SEPTIN7: variants seen among roughly 807,000 people sequenced by gnomAD.
SEPTIN7 encodes septin-7.
In SEPTIN7, 10 loss-of-function variants were observed where a neutral mutation model predicts 63.3. The observed-to-expected ratio is 0.16, with a 90% confidence interval of 0.10 to 0.27. The LOEUF (loss-of-function observed/expected upper bound fraction) is 0.27, where lower values mean the gene tolerates loss of function less well. Among genes scored for constraint, SEPTIN7 ranks in the 10% least tolerant of loss-of-function variants. The pLI is 1.00. For missense variants in SEPTIN7, 310 were observed against 521.0 expected (o/e 0.59, Z 3.94); for synonymous variants, 131 against 165.3 (o/e 0.79, Z 1.59).
chr7:35,848,443 T>A (rs10951452), intron 3 of SEPTIN7, among the ~76,000 whole-genome samples: 1 of 150,984 alleles, frequency 6.6e-6, no homozygotes, highest in East Asian at 1.9e-4. Context: ...AATTTTTTGG[T>A]TTTTTTTTAG....
At chr7:35,824,187 C>T (rs1450977408) in intron 1 of SEPTIN7, among the ~76,000 whole-genome samples, 2 of 151,830 alleles carry the variant, frequency 1.3e-5, no homozygotes, top group African/African-American at 4.8e-5. Flanking sequence ...ATTGATACAG[C>T]TTTGAGAGTG....
chr7:35,881,708 G>C (rs767674075), intron 7 of SEPTIN7, among the ~76,000 whole-genome samples: 24 of 151,702 alleles, frequency 1.6e-4, no homozygotes, highest in Admixed American at 5.9e-4. Flanking sequence ...CTAGGTTTAG[G>C]TATATTAGCC....
Position 35,882,467 on chromosome 7 carries a change from T to C in SEPTIN7, c.631-17T>C. The stretch of plus-strand genomic sequence containing the variant: ...TTATGTATGGTGCTCTTTTGCTGAC[T>C]ACTTCTTCCATTTTAGATAATGAAA... On this transcript the variant is annotated splice_polypyrimidine_tract_variant and intron_variant, in intron 7 of 13. Coordinates refer to ENST00000350320, the MANE Select transcript of SEPTIN7 (RefSeq NM_001788.6). 1.4e-6 allele frequency: 2 copies of C among 1,441,092 alleles called. No homozygotes were observed. The highest frequency in any genetic ancestry group is 2.7e-5 in the East Asian group (1 of 37,694). The allele number at this position is 1,441,092 out of a possible 1,614,324, so 89.3% of individuals were successfully genotyped here.
chr7:35,861,408 G>T (rs1385695491), intron 3 of SEPTIN7, among the ~76,000 whole-genome samples: 4 of 152,172 alleles, frequency 2.6e-5, no homozygotes, highest in African/African-American at 7.2e-5. Context: ...CCTCTCTTCA[G>T]TTGCACACTG....
intron 1 of SEPTIN7, chr7:35,812,177 T>G: frequency 6.0e-6 from 1 of 166,606 alleles, no homozygotes; most frequent in Non-Finnish European, 1.3e-5. Context: ...GATGGCTAAC[T>G]CAACTTCAGC....
intron 1 of SEPTIN7, among the ~76,000 whole-genome samples, chr7:35,813,179 G>A (rs142027643): frequency 6.6e-6 from 1 of 152,080 alleles, no homozygotes; most frequent in Non-Finnish European, 1.5e-5. Context: ...GCTCAGAAAG[G>A]TTATGTAACT....
At chr7:35,818,997 C>T (rs567868834) in intron 1 of SEPTIN7, among the ~76,000 whole-genome samples, 1 of 151,520 alleles carries the variant, frequency 6.6e-6, no homozygotes, top group South Asian at 2.1e-4. Context: ...ATTTTGTTTT[C>T]CCTGTTTTGG....
At chr7:35,814,487 G>GTT (rs34638736) in intron 1 of SEPTIN7, among the ~76,000 whole-genome samples, 7 of 151,772 alleles carry the variant, frequency 4.6e-5, no homozygotes, top group African/African-American at 9.7e-5. Context: ...AATTGTAAGG[G>GTT]TTTTTTTAAT....
At position 35,890,797 on chromosome 7, in the gene SEPTIN7, A is replaced by T; in HGVS notation, c.998+4A>T. On this transcript the variant is annotated splice_donor_region_variant and intron_variant, in intron 11 of 13. Coordinates refer to ENST00000350320, the MANE Select transcript of SEPTIN7 (RefSeq NM_001788.6). ...AGAATAAAGGGCAGCTGACTAAGTA[A>T]GTATATATTTTTTTCTCCAAAAAGG... 2 of 1,542,480 alleles carry T rather than the reference A, an allele frequency of 1.3e-6. No homozygotes were observed. Among genetic ancestry groups the T allele is most frequent in the Non-Finnish European group, 1.7e-6 (2 of 1,153,562 alleles).
At chr7:35,903,984 G>A (rs938356167) in intron 13 of SEPTIN7, among the ~76,000 whole-genome samples, 3 of 152,116 alleles carry the variant, frequency 2.0e-5, no homozygotes, top group African/African-American at 7.2e-5. Flanking sequence ...CATTTGGGAA[G>A]AATTGTTCTT....
At chr7:35,871,782 C>G (rs766313295) in intron 4 of SEPTIN7, among the ~76,000 whole-genome samples, 2 of 152,172 alleles carry the variant, frequency 1.3e-5, no homozygotes, top group Admixed American at 6.5e-5. Context: ...AATGTGTTAT[C>G]AGGAGAAAGC....
intron 3 of SEPTIN7, among the ~76,000 whole-genome samples, chr7:35,854,443 C>A (rs1335055428): frequency 6.6e-6 from 1 of 152,216 alleles, no homozygotes; most frequent in Admixed American, 6.5e-5. Flanking sequence ...GGGATGCTAA[C>A]TGGCTTCTAA....
At chr7:35,862,370 T>C (rs1392490014) in intron 3 of SEPTIN7, among the ~76,000 whole-genome samples, 1 of 152,196 alleles carries the variant, frequency 6.6e-6, no homozygotes, top group Non-Finnish European at 1.5e-5. Flanking sequence ...AGCATACTTT[T>C]GTTTTTAATT....
intron 3 of SEPTIN7, among the ~76,000 whole-genome samples, chr7:35,840,414 A>AT (rs972503757): frequency 1.3e-5 from 2 of 150,122 alleles, no homozygotes; most frequent in Admixed American, 1.3e-4. Context: ...ACACACCACT[A>AT]TGCCCAGCTA....
chr7:35,834,916 G>A (rs1267053940), intron 3 of SEPTIN7, among the ~76,000 whole-genome samples: 5 of 152,150 alleles, frequency 3.3e-5, no homozygotes, highest in South Asian at 2.1e-4. Flanking sequence ...CCCACATTAC[G>A]ACAGTTCATT....
chr7:35,873,231 T>C (rs1251074182), intron 5 of SEPTIN7, among the ~76,000 whole-genome samples: 2 of 152,026 alleles, frequency 1.3e-5, no homozygotes, highest in Non-Finnish European at 2.9e-5. Flanking sequence ...TTTATTTTTG[T>C]TTGAATTCAC....
At chr7:35,806,564 C>T (rs539973943) in intron 1 of SEPTIN7, among the ~76,000 whole-genome samples, 19 of 152,208 alleles carry the variant, frequency 1.2e-4, no homozygotes, top group South Asian at 2.1e-4. Flanking sequence ...GAAAAAAATA[C>T]GTGGATTTTA....
chr7:35,810,311 G>C (rs573299416), intron 1 of SEPTIN7, among the ~76,000 whole-genome samples: 1 of 150,996 alleles, frequency 6.6e-6, no homozygotes, highest in Admixed American at 6.6e-5. Context: ...TTCTGGGGTA[G>C]TACTAAAATG....
chr7:35,904,244 T>C lies in SEPTIN7; in HGVS notation c.1275-10T>C. On this transcript the variant is annotated splice_polypyrimidine_tract_variant and intron_variant, in intron 13 of 13. Transcript: ENST00000350320. ...TTACTCATCTTGCTTATTTTCCTTT[T>C]ATCCTTTAGAACCTTGGAAAAGAAC... 1.3e-6 allele frequency: 2 copies of C among 1,540,978 alleles called. No homozygotes were observed. Among genetic ancestry groups the C allele is most frequent in the Non-Finnish European group, 1.8e-6 (2 of 1,142,070 alleles).
Sources: allele counts gnomAD v4.1 joint callset (sites outside exome capture counted in the v4.1 genomes callset), GRCh38; gene constraint gnomAD v4.1.1; transcripts MANE v1.5; gene names NCBI Gene and HGNC (gene_info 2026-07-23, HGNC 2026-07-21).